The following PDE4A variants were observed in gnomAD, a reference collection of about 807,000 sequenced individuals.
PDE4A encodes the protein phosphodiesterase 4A, also known as 3',5'-cyclic-AMP phosphodiesterase 4A.
PDE4A carries 21 observed loss-of-function variants against 73.9 expected under a neutral mutation model. The ratio of observed to expected loss-of-function variants is 0.28; its 90% CI spans 0.20 to 0.41. The LOEUF (loss-of-function observed/expected upper bound fraction) is 0.41, where lower values mean the gene tolerates loss of function less well. PDE4A is among the 10% of genes least tolerant of loss of function. The pLI, the probability that PDE4A is intolerant of heterozygous loss-of-function variation, is 1.00. For synonymous variants in PDE4A, 463 were observed against 505.4 expected (o/e 0.92, Z 1.13); for missense variants, 958 against 1,211.4 (o/e 0.79, Z 3.10).
At chr19:10,457,062 G>A (rs1442217008) in intron 7 of PDE4A, among the ~76,000 whole-genome samples, 1 of 152,174 alleles carries the variant, frequency 6.6e-6, no homozygotes, top group Non-Finnish European at 1.5e-5. Flanking sequence ...GCCGGGCGCG[G>A]TGGCGGGTGC....
chr19:10,420,618 C>CA lies in PDE4A; in HGVS notation c.-147_-146insA. On this transcript the variant is annotated 5_prime_UTR_variant, in exon 1 of 15. Coordinates refer to ENST00000380702, the MANE Select transcript of PDE4A (RefSeq NM_001111307.2). The surrounding 1 kb of genome is among the most constrained non-coding windows in gnomAD (Gnocchi z 6.0). ...CGGCCCGGGGGCGATTGGCCCGCAG[C>CA]GCCCCCGGGTCTGTCCCCGGGGCGC... 1 of 1,303,676 alleles carries CA rather than the reference C, an allele frequency of 7.7e-7. No individual in the cohort carries two copies. Among genetic ancestry groups the CA allele is most frequent in the East Asian group, 3.2e-5 (1 of 31,256 alleles). The allele number at this position is 1,303,676 out of a possible 1,614,324, so 80.8% of individuals were successfully genotyped here.
At chr19:10,456,009 G>A (rs1479691781) in intron 7 of PDE4A, among the ~76,000 whole-genome samples, 2 of 147,482 alleles carry the variant, frequency 1.4e-5, no homozygotes, top group African/African-American at 5.2e-5. Context: ...AAATTCAATA[G>A]GATCTCCAAA....
At chr19:10,429,345 TTTCTC>T (rs2042759073) in intron 1 of PDE4A, among the ~76,000 whole-genome samples, 1 of 151,892 alleles carries the variant, frequency 6.6e-6, no homozygotes, top group Non-Finnish European at 1.5e-5. Context: ...TTCACCCTCT[TTTCTC>T]TTTTTTTTCG....
At chr19:10,419,576 G>T (rs576471667), upstream of PDE4A, 1 of 152,448 alleles carries the variant, frequency 6.6e-6, no homozygotes, top group South Asian at 2.1e-4. Context: ...GGCAGCTGCG[G>T]TATCCGCCAC....
At chr19:10,441,785 G>C (rs958365147) in intron 1 of PDE4A, among the ~76,000 whole-genome samples, 5 of 149,964 alleles carry the variant, frequency 3.3e-5, no homozygotes, top group African/African-American at 1.2e-4. Flanking sequence ...CGCCTCCTGG[G>C]TTCAAGGGAT....
chr19:10,444,025 A>G (rs909470626), intron 1 of PDE4A, among the ~76,000 whole-genome samples: 29 of 151,770 alleles, frequency 1.9e-4, no homozygotes, highest in African/African-American at 6.8e-4. Flanking sequence ...AAAAAAGATA[A>G]ATATAGATTA....
At chr19:10,450,765 C>G in intron 5 of PDE4A, 64 bp from the exon 6 acceptor site, 1 of 1,577,094 alleles carries the variant, frequency 6.3e-7, no homozygotes, top group Non-Finnish European at 8.6e-7. Context: ...TCACGGCGGT[C>G]TGGAGCCTCT....
rs2042695580 is a variant in PDE4A, at chr19:10,424,777, A to AAAGTTG, written c.320+3694_320+3699dup. Among the ~76,000 whole-genome samples, 1 of 152,244 alleles carries AAAGTTG rather than the reference A, an allele frequency of 6.6e-6. No individual in the cohort carries two copies. Among genetic ancestry groups the AAAGTTG allele is most frequent in the Non-Finnish European group, 1.5e-5 (1 of 68,038 alleles). ...GGAGGACAGGGAGGAACCTGGCCGA[A>AAAGTTG]AAGTTGCAGCCGTGGAGTTCCCGTC... On this transcript the variant is annotated intron_variant, in intron 1 of 14. Coordinates refer to ENST00000380702, the MANE Select transcript of PDE4A (RefSeq NM_001111307.2). This position sits in a 1 kb window ranked among gnomAD's most constrained non-coding sequence, Gnocchi z 4.8.
chr19:10,420,275 C>G (rs1279017960), upstream of PDE4A: 1 of 428,724 alleles, frequency 2.3e-6, no homozygotes, highest in Non-Finnish European at 3.1e-6. This position sits in a 1 kb window ranked among gnomAD's most constrained non-coding sequence, Gnocchi z 6.0. Context: ...CCGTTTAACT[C>G]CTTCGTGCCT....
At chr19:10,437,368 C>T (rs568291358) in intron 1 of PDE4A, among the ~76,000 whole-genome samples, 8 of 151,990 alleles carry the variant, frequency 5.3e-5, no homozygotes, top group Admixed American at 2.6e-4. Flanking sequence ...ATGATCTGCC[C>T]GCCTTGGCCT....
chr19:10,446,177 G>A lies in PDE4A; in HGVS notation c.321-41G>A, dbSNP rs201023803. 157 of 1,540,654 alleles carry A rather than the reference G, an allele frequency of 1.0e-4. 3 individuals carry two copies. In the East Asian group the frequency reaches 3.6e-3, roughly 36 times the overall value. On this transcript the variant is annotated intron_variant, in intron 1 of 14. Coordinates refer to ENST00000380702, the MANE Select transcript of PDE4A (RefSeq NM_001111307.2). ...CATTCCTCTTGACCTCCCTAATAGC[G>A]TTTCAGCCTCCTGACCCCTCTTCTC...
intron 1 of PDE4A, chr19:10,432,543 C>G (rs900702974): frequency 8.8e-5 from 134 of 1,524,984 alleles, no homozygotes; most frequent in Non-Finnish European, 1.1e-4. Flanking sequence ...TGAGGACACC[C>G]GTCGGCACCC....
intron 1 of PDE4A, among the ~76,000 whole-genome samples, chr19:10,442,394 C>A (rs2042949767): frequency 6.6e-6 from 1 of 152,078 alleles, no homozygotes; most frequent in African/African-American, 2.4e-5. Context: ...TGTGCTGGTG[C>A]ATGCCTGTAA....
At chr19:10,456,674 G>A (rs987417252) in intron 7 of PDE4A, among the ~76,000 whole-genome samples, 95 of 150,972 alleles carry the variant, frequency 6.3e-4, no homozygotes, top group African/African-American at 2.2e-3. Flanking sequence ...ACATGATTGC[G>A]CCACTGCACT....
At chr19:10,432,715 C>T (rs2042812436) in intron 1 of PDE4A, 1 of 696,358 alleles carries the variant, frequency 1.4e-6, no homozygotes, top group Non-Finnish European at 2.3e-6. Flanking sequence ...CCTTTCCTGG[C>T]TCTAAAGGCC....
chr19:10,448,954 G>T lies in PDE4A; in HGVS notation c.549+1G>T. ...CCTCATCGTAACACCATTTGCTCAG[G>T]TGAGACCTCTTCCCAAATGGTTAAG... On this transcript the variant is annotated splice_donor_variant, in intron 3 of 14. Coordinates refer to ENST00000380702, the MANE Select transcript of PDE4A (RefSeq NM_001111307.2). LOFTEE classifies it high-confidence loss of function. 1 of 1,613,804 alleles carries T rather than the reference G, an allele frequency of 6.2e-7. No individual in the cohort carries two copies.
intron 13 of PDE4A, among the ~76,000 whole-genome samples, chr19:10,463,477 C>T (rs2043310837): frequency 6.7e-6 from 1 of 149,920 alleles, no homozygotes. Context: ...TCTCGGCTCA[C>T]GGCAACCTCC....
chr19:10,431,510 C>T (rs1211364214), intron 1 of PDE4A, among the ~76,000 whole-genome samples: 1 of 152,182 alleles, frequency 6.6e-6, no homozygotes, highest in Non-Finnish European at 1.5e-5. Flanking sequence ...ATGGAAGTTC[C>T]CTTTCTGGCC....
At position 10,453,468 on chromosome 19, in the gene PDE4A, G is replaced by C. The variant is rs2043125634; in HGVS notation, c.784-1361G>C. 2 of 1,110,154 alleles carry C rather than the reference G, an allele frequency of 1.8e-6. No homozygotes were observed. The highest frequency in any genetic ancestry group is 1.2e-6 in the Non-Finnish European group (1 of 810,618). The allele number at this position is 1,110,154 out of a possible 1,614,324, so 68.8% of individuals were successfully genotyped here. The stretch of plus-strand genomic sequence containing the variant: ...GTCTCTGTGTGTGGCCCAGGGCTGG[G>C]CGTGGATGGCGGGCAGCTGGGGGTG... On this transcript the variant is annotated intron_variant, in intron 6 of 14. Coordinates refer to ENST00000380702, the MANE Select transcript of PDE4A (RefSeq NM_001111307.2). This position sits in a 1 kb window ranked among gnomAD's most constrained non-coding sequence, Gnocchi z 4.6.
Sources: gnomAD v4.1 joint callset for allele counts (sites outside exome capture counted in the v4.1 genomes callset) on GRCh38, gnomAD v4.1.1 for gene constraint, Gnocchi (gnomAD v3.1) non-coding constraint, MANE v1.5 for transcripts, NCBI Gene and HGNC (gene_info 2026-07-23, HGNC 2026-07-21) for gene names.